TRPM3: variants seen among roughly 807,000 people sequenced by gnomAD.
TRPM3 encodes the protein transient receptor potential cation channel subfamily M member 3.
TRPM3 carries 77 observed loss-of-function variants against 181.2 expected under a neutral mutation model. The observed-to-expected ratio is 0.42, with a 90% CI of 0.35 to 0.51. The LOEUF is 0.51. TRPM3 is among the 20% of genes least tolerant of loss of function. The probability of loss-of-function intolerance (pLI) is 0.01; values close to 1 mark genes in which losing one functional copy is unlikely to be tolerated. For missense variants in TRPM3, 1,759 were observed against 2,196.7 expected, an observed-to-expected ratio of 0.80 and a Z score of 3.98; for synonymous variants, 745 against 796.4, an observed-to-expected ratio of 0.94 and a Z score of 1.09.
intron 1 of TRPM3, among the ~76,000 whole-genome samples, chr9:71,027,695 C>A (rs1021096828): frequency 1.3e-5 from 2 of 152,030 alleles, no homozygotes; most frequent in African/African-American, 4.8e-5. Flanking sequence ...CAGAATAGAC[C>A]AAGCTGAGGA....
At chr9:71,370,423 A>G (rs1475168189) in intron 1 of TRPM3, among the ~76,000 whole-genome samples, 1 of 152,232 alleles carries the variant, frequency 6.6e-6, no homozygotes, top group African/African-American at 2.4e-5. Context: ...ACAAATAATA[A>G]GAAAGCAAAA....
intron 1 of TRPM3, among the ~76,000 whole-genome samples, chr9:71,340,106 T>C (rs550523132): frequency 6.6e-6 from 1 of 152,256 alleles, no homozygotes; most frequent in East Asian, 1.9e-4. Context: ...TCCTGGGGCA[T>C]GGTTTAGCAT....
chr9:71,212,453 GA>G (rs35572687), intron 1 of TRPM3, among the ~76,000 whole-genome samples: 65,196 of 151,808 alleles, frequency 0.43, 14,399 homozygotes, highest in East Asian at 0.52. Context: ...AGTATTATAT[GA>G]AAAAAAAGTT....
At chr9:71,096,059 A>G (rs1379600485) in intron 1 of TRPM3, among the ~76,000 whole-genome samples, 3 of 152,116 alleles carry the variant, frequency 2.0e-5, no homozygotes, top group Non-Finnish European at 4.4e-5. Context: ...GTTTATTCAA[A>G]TAAGATATTT....
At chr9:70,856,778 G>A (rs1412241681) in intron 3 of TRPM3, among the ~76,000 whole-genome samples, 2 of 152,178 alleles carry the variant, frequency 1.3e-5, no homozygotes, top group Non-Finnish European at 1.5e-5. Context: ...AATAGGGAGT[G>A]TAAATAGCAA....
At chr9:71,198,435 G>A (rs1317307369) in intron 1 of TRPM3, among the ~76,000 whole-genome samples, 1 of 152,012 alleles carries the variant, frequency 6.6e-6, no homozygotes, top group Non-Finnish European at 1.5e-5. Flanking sequence ...TCATGGGGAT[G>A]GCATTAAATC....
intron 1 of TRPM3, among the ~76,000 whole-genome samples, chr9:71,258,773 T>C (rs2082838926): frequency 6.6e-6 from 1 of 152,146 alleles, no homozygotes; most frequent in Non-Finnish European, 1.5e-5. Context: ...CCCAAAGGGG[T>C]AATAGAATTT....
intron 19 of TRPM3, among the ~76,000 whole-genome samples, chr9:70,604,433 C>T (rs960010557): frequency 2.0e-5 from 3 of 152,188 alleles, no homozygotes; most frequent in Non-Finnish European, 4.4e-5. Flanking sequence ...CCTTAGGGGC[C>T]TCAGGGGCTG....
intron 1 of TRPM3, among the ~76,000 whole-genome samples, chr9:70,945,320 G>A (rs2133608751): frequency 6.6e-6 from 1 of 152,258 alleles, no homozygotes; most frequent in African/African-American, 2.4e-5. Context: ...CATACAGCCA[G>A]TCTCTTCTTT....
At chr9:71,372,612 G>C (rs371906194) in intron 1 of TRPM3, among the ~76,000 whole-genome samples, 33 of 152,242 alleles carry the variant, frequency 2.2e-4, no homozygotes, top group East Asian at 9.6e-4. Context: ...CAGTGATGTT[G>C]AGCTTTTTAC....
At chr9:70,832,447 C>A (rs567345778) in intron 5 of TRPM3, among the ~76,000 whole-genome samples, 4 of 152,272 alleles carry the variant, frequency 2.6e-5, no homozygotes, top group Admixed American at 2.0e-4. Context: ...TGAGAGAATT[C>A]TTGCCTCATT....
chr9:70,596,530 G>C (rs2059048851), intron 21 of TRPM3, among the ~76,000 whole-genome samples: 1 of 152,042 alleles, frequency 6.6e-6, no homozygotes, highest in South Asian at 2.1e-4. Context: ...TCAGGAGTTT[G>C]AGACCAGCCT....
chr9:71,341,694 TAA>T (rs56213553), intron 1 of TRPM3, among the ~76,000 whole-genome samples: 134,007 of 150,898 alleles, frequency 0.89, 60,280 homozygotes, highest in East Asian at 0.97. Context: ...AAAAAACTGG[TAA>T]AAAAAAAAAT....
intron 1 of TRPM3, among the ~76,000 whole-genome samples, chr9:71,422,069 G>A (rs1382640825): frequency 6.6e-6 from 1 of 151,826 alleles, no homozygotes; most frequent in Non-Finnish European, 1.5e-5. Context: ...TTTCTCCCCT[G>A]AATATATGAA....
At chr9:70,778,196 T>C (rs1439707378) in intron 7 of TRPM3, among the ~76,000 whole-genome samples, 1 of 152,124 alleles carries the variant, frequency 6.6e-6, no homozygotes, top group African/African-American at 2.4e-5. Flanking sequence ...AGAGGAAAAA[T>C]AGAGTCATTC....
chr9:71,071,229 A>G (rs927426940), intron 1 of TRPM3, among the ~76,000 whole-genome samples: 5 of 152,184 alleles, frequency 3.3e-5, no homozygotes, highest in Non-Finnish European at 7.3e-5. Context: ...TCCTTGGGAA[A>G]GAGGCCACCT....
intron 3 of TRPM3, among the ~76,000 whole-genome samples, chr9:70,859,631 T>C (rs1342332567): frequency 6.6e-6 from 1 of 152,214 alleles, no homozygotes; most frequent in Admixed American, 6.5e-5. Flanking sequence ...AGTATTTTAA[T>C]ACTAAGAAGG....
intron 1 of TRPM3, among the ~76,000 whole-genome samples, chr9:71,168,605 A>T (rs111649236): frequency 4.4e-4 from 46 of 105,546 alleles, no homozygotes; most frequent in African/African-American, 3.5e-4. Context: ...TTTTATTTTT[A>T]TTTATTTTTT....
intron 2 of TRPM3, among the ~76,000 whole-genome samples, chr9:70,863,766 C>T (rs996223913): frequency 6.6e-6 from 1 of 151,950 alleles, no homozygotes; most frequent in Non-Finnish European, 1.5e-5. Context: ...TATGTAGCTG[C>T]CATTTATTAA....
Sources: allele counts gnomAD v4.1 joint callset (sites outside exome capture counted in the v4.1 genomes callset), GRCh38; gene constraint gnomAD v4.1.1; transcripts MANE v1.5; gene names NCBI Gene and HGNC (gene_info 2026-07-23, HGNC 2026-07-21).